ZFYVE16: variants seen among roughly 807,000 people sequenced by gnomAD.
ZFYVE16 encodes zinc finger FYVE domain-containing protein 16.
In ZFYVE16, 89 loss-of-function variants were observed where a neutral mutation model predicts 138.1. That is an observed-to-expected ratio of 0.64 (90% confidence interval 0.54 to 0.77). ZFYVE16 has a LOEUF of 0.77. Ranked by LOEUF, ZFYVE16 falls within the 30% of genes least tolerant of loss-of-function variation. ZFYVE16 has a pLI of 0.00. For synonymous variants in ZFYVE16, 596 were observed against 618.3 expected (o/e 0.96, Z 0.53); for missense variants, 1,793 against 1,786.7 (o/e 1.00, Z -0.06).
At chr5:80,456,429 G>C in intron 12 of ZFYVE16, 32 bp from the exon 13 acceptor site, 1 of 1,472,184 alleles carries the variant, frequency 6.8e-7, no homozygotes, top group Non-Finnish European at 9.4e-7. Context: ...CTCATGGTTA[G>C]TAGTTTATGG....
chr5:80,451,815 T>A, intron 11 of ZFYVE16, 106 bp downstream of exon 11: 1 of 1,126,926 alleles, frequency 8.9e-7, no homozygotes, highest in Non-Finnish European at 1.3e-6. Context: ...TGGAACTACT[T>A]TTGTTTTGCT....
intron 15 of ZFYVE16, among the ~76,000 whole-genome samples, chr5:80,470,951 C>A (rs1367514135): frequency 6.6e-6 from 1 of 152,124 alleles, no homozygotes; most frequent in Non-Finnish European, 1.5e-5. Flanking sequence ...AAGACAATGC[C>A]AAGTTGGACT....
chr5:80,416,548 C>A (rs1055041134), intron 1 of ZFYVE16, among the ~76,000 whole-genome samples: 3 of 101,398 alleles, frequency 3.0e-5, no homozygotes, highest in African/African-American at 1.0e-4. Context: ...AGACACTGCG[C>A]CCAGCCGATT....
chr5:80,439,555 A>G lies in ZFYVE16; in HGVS notation c.2323-381A>G, dbSNP rs146036057. ...ACATTTTTATTCAGATTTTTCAGTAATATGTTGGTTTCAGATCAGTCCTAT... is the reference window on the plus strand; with the variant it reads ...ACATTTTTATTCAGATTTTTCAGTAGTATGTTGGTTTCAGATCAGTCCTAT... On this transcript the variant is annotated intron_variant, in intron 4 of 18. Transcript: ENST00000505560. 6.4e-3 allele frequency among the ~76,000 whole-genome samples: 959 copies of G among 149,892 alleles called. 10 individuals are homozygous for G. The highest frequency in any genetic ancestry group is 0.021 in the African/African-American group (878 of 41,174).
intron 11 of ZFYVE16, 56 bp from the exon 12 acceptor site, chr5:80,455,636 C>G: frequency 7.4e-7 from 1 of 1,344,016 alleles, no homozygotes; most frequent in East Asian, 2.3e-5. Context: ...GTAATAAATT[C>G]AATAATTTGG....
intron 1 of ZFYVE16, 90 bp downstream of exon 1, chr5:80,408,243 T>G (rs1399482043): frequency 1.3e-5 from 2 of 152,438 alleles, no homozygotes; most frequent in African/African-American, 4.8e-5. Flanking sequence ...CCCGCCGACC[T>G]GGGCGCTGGG....
chr5:80,440,393 A>G lies in ZFYVE16; in HGVS notation c.2419+361A>G, dbSNP rs573546666. ...AGATACCTACCAATAGTAGTACTCA[A>G]TATTATGTATTAATAGCACAGGGCA... On this transcript the variant is annotated intron_variant, in intron 5 of 18. Transcript: ENST00000505560. The G allele has an allele frequency of 1.1e-5, 11 of 992,356 alleles. No individual in the cohort carries two copies. In the East Asian group the frequency reaches 9.9e-4, roughly 89 times the overall value. The allele number at this position is 992,356 out of a possible 1,614,324, so 61.5% of individuals were successfully genotyped here.
intron 15 of ZFYVE16, among the ~76,000 whole-genome samples, chr5:80,471,382 A>G (rs1299002835): frequency 6.7e-6 from 1 of 150,204 alleles, no homozygotes; most frequent in Non-Finnish European, 1.5e-5. Context: ...TCTGTTAGAA[A>G]TTACTGATGC....
In ZFYVE16 at chr5:80,459,445, A is replaced by C. The variant is rs531167407; in HGVS notation, c.3975A>C (p.Gly1325=). ...GTGCAAGTTTTGTGGTATTCAATGG[A>C]GCTCTAAAAACATCTTCAGGATTTC... The part of the protein sequence containing the change: ...VTGASFVVFN[G]ALKTSSGFLA... The change falls in exon 15 of 19, where the codon GGA becomes GGC. Residue 1325 remains glycine, a synonymous_variant. Transcript: ENST00000505560. The C allele has an allele frequency of 8.1e-6, 13 of 1,613,204 alleles. No homozygotes were observed. The South Asian group carries it at 1.3e-4, about 16-fold the overall frequency.
intron 15 of ZFYVE16, among the ~76,000 whole-genome samples, chr5:80,472,396 G>A (rs1291464867): frequency 6.6e-6 from 1 of 151,476 alleles, no homozygotes; most frequent in Non-Finnish European, 1.5e-5. Context: ...GATAACCATG[G>A]GCTTAACCTC....
rs1349631364 is a variant in ZFYVE16, at chr5:80,457,092, G to C, written c.3943G>C (p.Val1315Leu). 1.9e-6 allele frequency: 3 copies of C among 1,609,836 alleles called. No individual in the cohort carries two copies. Among genetic ancestry groups the C allele is most frequent in the Admixed American group, 1.7e-5 (1 of 59,160 alleles). ...ANSATGHPRK[V>L]TGASFVVFNG... is the part of the protein sequence containing the mutation. ...CAGTGCCACTGGCCATCCTAGAAAA[G>C]GTGAGCATCTTGGTTCCTAGTGCTA... The change falls in exon 14 of 19, where the codon GTG (valine) becomes CTG (leucine). Residue 1315 changes from valine to leucine, a missense_variant and splice_region_variant. Around this residue, in one of 2 missense-constraint regions of ZFYVE16, gnomAD observed 498 missense variants for 582.4 expected, o/e 0.86. Coordinates refer to ENST00000505560, the MANE Select transcript of ZFYVE16 (RefSeq NM_001284236.3).
chr5:80,423,095 T>C (rs1046568197), intron 1 of ZFYVE16, among the ~76,000 whole-genome samples: 8 of 152,208 alleles, frequency 5.3e-5, no homozygotes, highest in African/African-American at 1.9e-4. Context: ...TTATAGAGAA[T>C]TGGTATTATT....
chr5:80,473,676 C>T, intron 16 of ZFYVE16, 78 bp from the exon 17 acceptor site: 3 of 998,504 alleles, frequency 3.0e-6, no homozygotes, highest in East Asian at 2.7e-5. Context: ...TCCCTCATTC[C>T]ATTTGTTCAA....
Position 80,448,215 on chromosome 5 carries a change from T to G in ZFYVE16, c.2914T>G (p.Phe972Val). 6.2e-7 allele frequency: 1 copy of G among 1,613,886 alleles called. No homozygotes were observed. Among genetic ancestry groups the G allele is most frequent in the Non-Finnish European group, 8.5e-7 (1 of 1,179,896 alleles). Residue 972 changes from phenylalanine (F) to valine (V), a missense_variant, in exon 8 of 19, where the codon TTT (phenylalanine) becomes GTT (valine). Phe to Val is a conservative substitution (Grantham distance 50, BLOSUM62 -1). Coordinates refer to ENST00000505560, the MANE Select transcript of ZFYVE16 (RefSeq NM_001284236.3). ...SGSFTLDDDV[F>V]AETEEPSSPT... ...TTCATTTACACTAGATGATGATGTTTTTGCAGAAACTGAAGAACCATCTAG... is the reference window on the plus strand; with the variant it reads ...TTCATTTACACTAGATGATGATGTTGTTGCAGAAACTGAAGAACCATCTAG...
At position 80,436,779 on chromosome 5, in the gene ZFYVE16, G is replaced by T; in HGVS notation, c.94G>T (p.Val32Leu). The change falls in exon 4 of 19, where the codon GTA becomes TTA. Residue 32 changes from valine (V) to leucine (L), a missense_variant. This residue lies in a region of ZFYVE16 where 1,295 missense variants were observed against 1,204.3 expected (regional missense o/e 1.08). Coordinates refer to ENST00000505560, the MANE Select transcript of ZFYVE16 (RefSeq NM_001284236.3). The part of the protein sequence containing the change: ...NPDEQDYLQD[V>L]QNAYDSNHCS... ...AGATGAACAAGATTATCTCCAAGAT[G>T]TACAAAATGCATATGATTCTAACCA... 1 of 1,613,176 alleles carries T rather than the reference G, an allele frequency of 6.2e-7. No homozygotes were observed. Among genetic ancestry groups the T allele is most frequent in the Non-Finnish European group, 8.5e-7 (1 of 1,179,518 alleles).
chr5:80,473,029 C>A, intron 16 of ZFYVE16, 106 bp downstream of exon 16: 1 of 1,051,352 alleles, frequency 9.5e-7, no homozygotes, highest in Non-Finnish European at 1.3e-6. Flanking sequence ...TATACTTATA[C>A]CATCAATTTA....
Position 80,438,078 on chromosome 5 carries a change from G to C in ZFYVE16, c.1393G>C (p.Ala465Pro). 2 of 1,614,084 alleles carry C rather than the reference G, an allele frequency of 1.2e-6. No individual in the cohort carries two copies. Among genetic ancestry groups the C allele is most frequent in the Non-Finnish European group, 1.7e-6 (2 of 1,179,974 alleles). Residue 465 changes from alanine to proline, a missense_variant, in exon 4 of 19, where the codon GCT (alanine) becomes CCT (proline). Physicochemically the swap from Ala to Pro is conservative, Grantham distance 27. This residue lies in a region of ZFYVE16 where 1,295 missense variants were observed against 1,204.3 expected (regional missense o/e 1.08). Coordinates refer to ENST00000505560, the MANE Select transcript of ZFYVE16 (RefSeq NM_001284236.3). ...KIDPDQTVIR[A>P]ESLDGGDTSS... is the part of the protein sequence containing the mutation. The stretch of plus-strand genomic sequence containing the variant: ...AGATCCTGACCAGACAGTAATCAGA[G>C]CTGAGTCTTTGGATGGTGGTGACAC...
chr5:80,407,816 G>A (rs1264691039), upstream of ZFYVE16, among the ~76,000 whole-genome samples: 1 of 152,180 alleles, frequency 6.6e-6, no homozygotes, highest in Non-Finnish European at 1.5e-5. Flanking sequence ...GTGGAGAACC[G>A]AGTCCCGACC....
At position 80,448,262 on chromosome 5, in the gene ZFYVE16, C is replaced by T. The variant is rs777962666; in HGVS notation, c.2961C>T (p.Asn987=). 10 of 1,613,572 alleles carry T rather than the reference C, an allele frequency of 6.2e-6. No homozygotes were observed. In the East Asian group the frequency reaches 1.6e-4, roughly 25 times the overall value. The stretch of plus-strand genomic sequence containing the variant: ...CTAGTCCTACTGGTGTCTTAGTTAA[C>T]AGCAATTTACCTATTGCTAGTATTT... ...EPSSPTGVLV[N]SNLPIASISD... The change falls in exon 8 of 19, where the codon AAC becomes AAT. Residue 987 remains asparagine (N), a synonymous_variant. Coordinates refer to ENST00000505560, the MANE Select transcript of ZFYVE16 (RefSeq NM_001284236.3).
Sources: allele counts gnomAD v4.1 joint callset (sites outside exome capture counted in the v4.1 genomes callset), GRCh38; gene constraint gnomAD v4.1.1; regional missense constraint gnomAD v4.1.1; transcripts MANE v1.5; gene names NCBI Gene and HGNC (gene_info 2026-07-23, HGNC 2026-07-21).